The following LRRFIP1 variants were observed in gnomAD, a reference collection of about 807,000 sequenced individuals.
The protein encoded by LRRFIP1 is LRR binding FLII interacting protein 1.
A neutral mutation model predicts 104.4 loss-of-function variants in LRRFIP1; 62 were observed. The observed-to-expected ratio is 0.59, with a 90% CI of 0.48 to 0.73. The LOEUF (loss-of-function observed/expected upper bound fraction) is 0.73. Ranked by LOEUF, LRRFIP1 falls within the 30% of genes least tolerant of loss-of-function variation. The probability of loss-of-function intolerance (pLI) is 0.00; values close to 1 mark genes in which losing one functional copy is unlikely to be tolerated. For missense variants in LRRFIP1, 796 were observed against 824.5 expected (o/e 0.97, Z 0.42); for synonymous variants, 300 against 299.0 (o/e 1.00, Z -0.03).
rs189134217 is a variant in LRRFIP1 at position 237,728,405 on chromosome 2, T to C, written c.444+470T>C. Among the ~76,000 whole-genome samples the C allele has an allele frequency of 3.5e-3, 534 of 152,136 alleles. 1 individual carries two copies. Among genetic ancestry groups the C allele is most frequent in the Middle Eastern group, 6.8e-3 (2 of 294 alleles). On this transcript the variant is annotated intron_variant, in intron 8 of 23. Coordinates refer to ENST00000308482, the MANE Select transcript of LRRFIP1 (RefSeq NM_001137550.2). ...GGAGAGGAAAAGGAGAATAAAACAA[T>C]GCAGATGCTTGGAAGGCTCCCAGTT...
intron 19 of LRRFIP1, among the ~76,000 whole-genome samples, chr2:237,761,312 G>T (rs577086590): frequency 6.6e-6 from 1 of 152,336 alleles, no homozygotes; most frequent in East Asian, 1.9e-4. Flanking sequence ...GATCACTTAA[G>T]ACCAGGAATT....
At chr2:237,776,576 T>A (rs138341131) in intron 23 of LRRFIP1, among the ~76,000 whole-genome samples, 37 of 152,310 alleles carry the variant, frequency 2.4e-4, no homozygotes, top group African/African-American at 8.2e-4. Context: ...CTATTTCTCC[T>A]ATATATGTTG....
At chr2:237,755,287 C>T (rs561724951) in intron 15 of LRRFIP1, among the ~76,000 whole-genome samples, 2 of 152,234 alleles carry the variant, frequency 1.3e-5, no homozygotes, top group Non-Finnish European at 2.9e-5. Flanking sequence ...CCAAACTCTC[C>T]TGTTTTTGTC....
chr2:237,756,182 C>A lies in LRRFIP1; in HGVS notation c.1126C>A (p.Leu376Ile). The change falls in exon 16 of 24, where the codon CTC becomes ATC. Residue 376 changes from leucine (L) to isoleucine (I), a missense_variant. By Grantham distance (5) the Leu-to-Ile change is conservative. Transcript: ENST00000308482. ...KEALKQREEM[L>I]EEIRQLQQKQ... Reference sequence around the variant, plus strand: ...GGCCCTGAAGCAAAGAGAGGAAATGCTCGAGGTAGGTAGCATTCTCCTGCT... The same window carrying A: ...GGCCCTGAAGCAAAGAGAGGAAATGATCGAGGTAGGTAGCATTCTCCTGCT... The A allele has an allele frequency of 6.2e-7, 1 of 1,612,422 alleles. No individual in the cohort carries two copies. Among genetic ancestry groups the A allele is most frequent in the Non-Finnish European group, 8.5e-7 (1 of 1,178,702 alleles).
chr2:237,692,952 G>C (rs2092918316), intron 1 of LRRFIP1, among the ~76,000 whole-genome samples: 1 of 152,218 alleles, frequency 6.6e-6, no homozygotes, highest in South Asian at 2.1e-4. Context: ...GGGTGCTTTG[G>C]AGCACTCAAC....
chr2:237,762,823 G>T, intron 19 of LRRFIP1: 1 of 1,614,222 alleles, frequency 6.2e-7, no homozygotes. Context: ...ATGAGGAACA[G>T]GTTCAAAGCC....
At chr2:237,665,086 G>T (rs1012195656) in intron 1 of LRRFIP1, among the ~76,000 whole-genome samples, 1 of 152,052 alleles carries the variant, frequency 6.6e-6, no homozygotes, top group East Asian at 1.9e-4. Flanking sequence ...ATTCATGAAA[G>T]CATTTAAATA....
rs753958450 is a variant in LRRFIP1, at chr2:237,720,815, G to A, written c.338G>A (p.Ser113Asn). 1 of 1,614,076 alleles carries A rather than the reference G, an allele frequency of 6.2e-7. No individual in the cohort carries two copies. Among genetic ancestry groups the A allele is most frequent in the Non-Finnish European group, 8.5e-7 (1 of 1,179,916 alleles). ...DERMSVGSRGSLRSQPDLEYG... is the reference protein window; with the variant it reads ...DERMSVGSRGNLRSQPDLEYG... ...CGCATGTCAGTGGGTAGTCGTGGAA[G>A]CCTGAGGGTCAGTAACCAGAATGAT... Residue 113 changes from serine (S) to asparagine (N), a missense_variant, in exon 6 of 24, where the codon AGC becomes AAC. Physicochemically the swap from Ser to Asn is conservative, Grantham distance 46. Coordinates refer to ENST00000308482, the MANE Select transcript of LRRFIP1 (RefSeq NM_001137550.2).
In LRRFIP1 at chr2:237,691,692, C is replaced by G. The variant is rs1349382321; in HGVS notation, c.97-16852C>G. 1.3e-5 allele frequency among the ~76,000 whole-genome samples: 2 copies of G among 152,104 alleles called. No individual in the cohort carries two copies. Among genetic ancestry groups the G allele is most frequent in the African/African-American group, 4.8e-5 (2 of 41,430 alleles). On this transcript the variant is annotated intron_variant, in intron 1 of 23. Coordinates refer to ENST00000308482, the MANE Select transcript of LRRFIP1 (RefSeq NM_001137550.2). This position sits in a 1 kb window ranked among gnomAD's most constrained non-coding sequence, Gnocchi z 5.4. ...CTCGCCCAGCCCCGGGCAGGTCCCC[C>G]CCCGGAGGGGACCCCCTCTTCGGGT...
intron 13 of LRRFIP1, among the ~76,000 whole-genome samples, chr2:237,750,172 A>G (rs76209310): frequency 0.032 from 4,865 of 152,180 alleles, 259 homozygotes; most frequent in African/African-American, 0.11. Flanking sequence ...CATCCACCAG[A>G]GTTTGGCCAG....
chr2:237,749,292 A>G lies in LRRFIP1; in HGVS notation c.763A>G (p.Ile255Val), dbSNP rs201922413. Residue 255 changes from isoleucine to valine, a missense_variant, in exon 13 of 24, where the codon ATC (isoleucine) becomes GTC (valine). Physicochemically the swap from Ile to Val is conservative, Grantham distance 29. Coordinates refer to ENST00000308482, the MANE Select transcript of LRRFIP1 (RefSeq NM_001137550.2). Reference protein sequence around the residue: ...RRGSGDTSISIDTEASIREIK... With the variant: ...RRGSGDTSISVDTEASIREIK... ...AGGCAGCGGAGACACCTCCATCTCC[A>G]TCGACACCGAGGCATCCATCAGGGA... is the stretch of plus-strand genomic sequence containing the variant. The G allele has an allele frequency of 2.5e-5, 40 of 1,613,694 alleles. No homozygotes were observed. The East Asian group carries it at 8.7e-4, about 35-fold the overall frequency.
At chr2:237,746,525 T>C (rs1245001305) in intron 11 of LRRFIP1, among the ~76,000 whole-genome samples, 1 of 152,210 alleles carries the variant, frequency 6.6e-6, no homozygotes, top group East Asian at 1.9e-4. Flanking sequence ...TGCCTTCGTA[T>C]CTGTCCCATC....
rs549318305 is a variant in LRRFIP1, at chr2:237,703,434, G to T, written c.97-5110G>T. ...GTTTCTAAAACAAAAGTCAGATTCCGCTGTGTTCTTAAAACCCTTCAGTGG... is the reference window on the plus strand; with the variant it reads ...GTTTCTAAAACAAAAGTCAGATTCCTCTGTGTTCTTAAAACCCTTCAGTGG... On this transcript the variant is annotated intron_variant, in intron 1 of 23. Coordinates refer to ENST00000308482, the MANE Select transcript of LRRFIP1 (RefSeq NM_001137550.2). This position sits in a 1 kb window ranked among gnomAD's most constrained non-coding sequence, Gnocchi z 4.3. Among the ~76,000 whole-genome samples the T allele has an allele frequency of 1.0e-3, 159 of 152,080 alleles. No homozygotes were observed. Among genetic ancestry groups the T allele is most frequent in the Non-Finnish European group, 1.5e-3 (105 of 68,030 alleles).
rs368832156 is a variant in LRRFIP1, at chr2:237,713,625, T to TAATG, written c.184-611_184-608dup. On this transcript the variant is annotated intron_variant, in intron 2 of 23. Coordinates refer to ENST00000308482, the MANE Select transcript of LRRFIP1 (RefSeq NM_001137550.2). ...ATAATGCCTGATATGACAAATGTCTTAATGAATGAATGAATGAATGAATGA... is the reference window on the plus strand; with the variant it reads ...ATAATGCCTGATATGACAAATGTCTTAATGAATGAATGAATGAATGAATGAATGA... 1.0e-3 allele frequency among the ~76,000 whole-genome samples: 154 copies of TAATG among 152,296 alleles called. 1 individual carries two copies. Among genetic ancestry groups the TAATG allele is most frequent in the Middle Eastern group, 3.4e-3 (1 of 294 alleles).
At chr2:237,777,427 T>C (rs1010749583) in intron 23 of LRRFIP1, among the ~76,000 whole-genome samples, 3 of 152,222 alleles carry the variant, frequency 2.0e-5, no homozygotes, top group African/African-American at 7.2e-5. Context: ...TTTTTGTTTG[T>C]ACATGTTTTC....
Position 237,774,461 on chromosome 2 carries a change from A to G in LRRFIP1, c.1811A>G (p.Glu604Gly). 6.2e-7 allele frequency: 1 copy of G among 1,605,054 alleles called. No individual in the cohort carries two copies. The highest frequency in any genetic ancestry group is 8.5e-7 in the Non-Finnish European group (1 of 1,172,622). Residue 604 changes from glutamate (E) to glycine (G), a missense_variant and splice_region_variant, in exon 23 of 24, where the codon GAG becomes GGG. Physicochemically the swap from Glu to Gly is moderately conservative, Grantham distance 98. Coordinates refer to ENST00000308482, the MANE Select transcript of LRRFIP1 (RefSeq NM_001137550.2). The stretch of plus-strand genomic sequence containing the variant: ...GCAGAAAAACGGAAACTCCAAAGAG[A>G]GGTAAATTTCCTAGGCAATTTCTAG... ...LKAEKRKLQR[E>G]LRSALDKTEE...
At chr2:237,764,926 T>C in intron 19 of LRRFIP1, 2 of 985,620 alleles carry the variant, frequency 2.0e-6, no homozygotes, top group Non-Finnish European at 2.4e-6. Flanking sequence ...ATATGTCAAA[T>C]TACATTTCCT....
chr2:237,771,537 G>T (rs1284293794), intron 20 of LRRFIP1, among the ~76,000 whole-genome samples: 1 of 147,816 alleles, frequency 6.8e-6, no homozygotes, highest in Non-Finnish European at 1.5e-5. Context: ...GTGTCTGAGG[G>T]GTCCTGGAAC....
At chr2:237,697,520 A>G (rs988199846) in intron 1 of LRRFIP1, among the ~76,000 whole-genome samples, 1 of 152,204 alleles carries the variant, frequency 6.6e-6, no homozygotes, top group African/African-American at 2.4e-5. Context: ...CAAGTAGATA[A>G]GTTCATGGAG....
Sources: gnomAD v4.1 joint callset for allele counts (sites outside exome capture counted in the v4.1 genomes callset) on GRCh38, gnomAD v4.1.1 for gene constraint, Gnocchi (gnomAD v3.1) non-coding constraint, MANE v1.5 for transcripts, NCBI Gene and HGNC (gene_info 2026-07-23, HGNC 2026-07-21) for gene names.